Variants in PI4KA observed in about 807,000 individuals in gnomAD.
PI4KA encodes the protein phosphatidylinositol 4-kinase alpha.
A neutral mutation model predicts 271.4 loss-of-function variants in PI4KA; 122 were observed. The observed-to-expected ratio is 0.45, with a 90% CI of 0.39 to 0.52. The LOEUF (loss-of-function observed/expected upper bound fraction) is 0.52, where lower values mean the gene tolerates loss of function less well. PI4KA is among the 20% of genes least tolerant of loss of function. The pLI, the probability that PI4KA is intolerant of heterozygous loss-of-function variation, is 0.00. For missense variants in PI4KA, 1,969 were observed against 2,769.1 expected, an observed-to-expected ratio of 0.71 and a Z score of 6.48; for synonymous variants, 1,041 against 1,078.8, an observed-to-expected ratio of 0.96 and a Z score of 0.69.
intron 25 of PI4KA, 62 bp from the exon 26 acceptor site, chr22:20,751,817 G>A: frequency 3.4e-6 from 5 of 1,466,256 alleles, no homozygotes; most frequent in Non-Finnish European, 4.8e-6. Flanking sequence ...CTGCTTCTAG[G>A]AGCCCCCTCA....
chr22:20,783,955 TCCTGTGG>T, intron 19 of PI4KA: 4 of 1,614,212 alleles, frequency 2.5e-6, no homozygotes, highest in Non-Finnish European at 3.4e-6. Context: ...AACAGCCTCT[TCCTGTGG>T]CCTTTACAGG....
intron 19 of PI4KA, chr22:20,786,847 G>A (rs372325883): frequency 3.7e-6 from 6 of 1,613,314 alleles, no homozygotes; most frequent in Non-Finnish European, 5.1e-6. Flanking sequence ...CTGACCTCCA[G>A]AATCTGACAA....
intron 18 of PI4KA, 95 bp downstream of exon 18, chr22:20,796,051 G>A (rs901899504): frequency 9.0e-7 from 1 of 1,117,312 alleles, no homozygotes; most frequent in African/African-American, 1.6e-5. Flanking sequence ...CACAAAGAAA[G>A]TGCCATATTC....
intron 4 of PI4KA, among the ~76,000 whole-genome samples, chr22:20,823,106 G>T (rs1225394078): frequency 1.3e-5 from 2 of 151,956 alleles, no homozygotes; most frequent in East Asian, 3.9e-4. Flanking sequence ...TAGAGATGGG[G>T]TTTCTTCATG....
chr22:20,849,202 T>C (rs1430487178), intron 1 of PI4KA, among the ~76,000 whole-genome samples: 2 of 152,170 alleles, frequency 1.3e-5, no homozygotes, highest in African/African-American at 2.4e-5. Flanking sequence ...ATACAGAGTG[T>C]TGGTGACAAT....
intron 7 of PI4KA, among the ~76,000 whole-genome samples, chr22:20,815,018 A>C (rs577758668): frequency 6.6e-6 from 1 of 152,166 alleles, no homozygotes; most frequent in Non-Finnish European, 1.5e-5. Flanking sequence ...TTTAAATTAA[A>C]ATAGAAATAT....
At chr22:20,825,098 T>C (rs561777682) in intron 3 of PI4KA, among the ~76,000 whole-genome samples, 13 of 144,668 alleles carry the variant, frequency 9.0e-5, no homozygotes, top group East Asian at 8.0e-4. Context: ...CAATTTTGAA[T>C]ATTGAATGTT....
intron 1 of PI4KA, among the ~76,000 whole-genome samples, chr22:20,850,109 T>C (rs934856656): frequency 6.6e-6 from 1 of 152,156 alleles, no homozygotes; most frequent in Non-Finnish European, 1.5e-5. Context: ...TTTAAATGGG[T>C]AAATTTTGTG....
intron 31 of PI4KA, 32 bp from the exon 32 acceptor site, chr22:20,742,387 CCAA>C: frequency 6.2e-7 from 1 of 1,607,336 alleles, no homozygotes; most frequent in Non-Finnish European, 8.5e-7. Context: ...TCAGAGGCCT[CCAA>C]CAACAGCTGA....
In PI4KA at chr22:20,714,446, T is replaced by G; in HGVS notation, c.5461+12A>C. 6.2e-7 allele frequency: 1 copy of G among 1,605,030 alleles called. No individual in the cohort carries two copies. Among genetic ancestry groups the G allele is most frequent in the Non-Finnish European group, 8.5e-7 (1 of 1,174,474 alleles). ...ACTGAGCTCCCAAACAAAATCAGGG[T>G]TCTTTACTGACCTTCTTTTTCAAGT... is the stretch of plus-strand genomic sequence containing the variant. On this transcript the variant is annotated intron_variant, in intron 47 of 54. Transcript: ENST00000255882.
At chr22:20,769,016 T>G (rs1240139904) in intron 19 of PI4KA, among the ~76,000 whole-genome samples, 1 of 152,148 alleles carries the variant, frequency 6.6e-6, no homozygotes, top group African/African-American at 2.4e-5. Context: ...GTTTCCAGAC[T>G]ACAGAATTCA....
In PI4KA at chr22:20,764,770, T is replaced by C. The variant is rs746023063; in HGVS notation, c.2708+47A>G. On this transcript the variant is annotated intron_variant, in intron 22 of 54. Transcript: ENST00000255882. The stretch of plus-strand genomic sequence containing the variant: ...TACGAGGGCACAAAAATGAAAACCC[T>C]GCTCAAATGTGGATGTGCATGTGCA... 3.9e-6 allele frequency: 6 copies of C among 1,539,168 alleles called. No homozygotes were observed. The East Asian group carries it at 1.2e-4, about 30-fold the overall frequency.
At chr22:20,721,266 A>G (rs377133277) in intron 43 of PI4KA, 32 bp downstream of exon 43, 5 of 1,612,068 alleles carry the variant, frequency 3.1e-6, no homozygotes, top group African/African-American at 2.7e-5. Context: ...TGAAGACAGT[A>G]AGTGAGGCCT....
intron 19 of PI4KA, among the ~76,000 whole-genome samples, chr22:20,791,211 A>G (rs1934626121): frequency 6.6e-6 from 1 of 151,116 alleles, no homozygotes; most frequent in Non-Finnish European, 1.5e-5. Flanking sequence ...GTTCACAAGA[A>G]TACAGGTCAT....
At chr22:20,855,463 G>C (rs1356585829) in intron 1 of PI4KA, among the ~76,000 whole-genome samples, 1 of 152,128 alleles carries the variant, frequency 6.6e-6, no homozygotes, top group Non-Finnish European at 1.5e-5. Flanking sequence ...CCTCCTCTAT[G>C]AAATAAGGTG....
chr22:20,829,762 G>A (rs1923911696), intron 3 of PI4KA, among the ~76,000 whole-genome samples: 1 of 151,968 alleles, frequency 6.6e-6, no homozygotes, highest in African/African-American at 2.4e-5. Context: ...GTTAATTTGA[G>A]ATCTAACTTT....
intron 21 of PI4KA, 27 bp downstream of exon 21, chr22:20,765,073 T>C (rs770700181): frequency 4.4e-6 from 7 of 1,601,622 alleles, no homozygotes; most frequent in African/African-American, 2.7e-5. Flanking sequence ...ACAGAGAGCA[T>C]GGTAAAAATG....
At chr22:20,730,111 A>C in intron 36 of PI4KA, 100 bp from the exon 37 acceptor site, 2 of 1,360,322 alleles carry the variant, frequency 1.5e-6, no homozygotes, top group South Asian at 2.8e-5. Context: ...AATTAGTGGC[A>C]GAGCAGGCAT....
rs772549884 is a variant in PI4KA, at chr22:20,729,399, G to A, written c.4596C>T (p.Tyr1532=). ...ENSVANWRSK[Y]ISLSEKQWKD... ...TCCACTGCTTCTCACTCAGGCTGAT[G>A]TACTTAGATCTCCAGTTGGCCACGC... The change falls in exon 39 of 55, where the codon TAC becomes TAT. Residue 1532 remains tyrosine (Y), a synonymous_variant. Coordinates refer to ENST00000255882, the MANE Select transcript of PI4KA (RefSeq NM_058004.4). The A allele has an allele frequency of 5.6e-6, 9 of 1,613,962 alleles. No homozygotes were observed. In the Admixed American group the frequency reaches 1.2e-4, roughly 21 times the overall value.
Sources: allele counts gnomAD v4.1 joint callset (sites outside exome capture counted in the v4.1 genomes callset), GRCh38; gene constraint gnomAD v4.1.1; transcripts MANE v1.5; gene names NCBI Gene and HGNC (gene_info 2026-07-23, HGNC 2026-07-21).